The following PARD3B variants were observed in gnomAD, a reference collection of about 807,000 sequenced individuals.
PARD3B encodes par-3 family cell polarity regulator beta, also known as partitioning defective 3 homolog B.
Under a neutral mutation model 130.2 loss-of-function variants are expected in PARD3B, and 103 were observed. The observed-to-expected ratio is 0.79, with a 90% CI of 0.67 to 0.93. PARD3B has a LOEUF of 0.93. Among genes scored for constraint, PARD3B ranks in the 40% least tolerant of loss-of-function variants. The pLI is 0.00. For missense variants in PARD3B, 1,609 were observed against 1,499.2 expected (o/e 1.07, Z -1.21); for synonymous variants, 583 against 553.2 (o/e 1.05, Z -0.76).
intron 2 of PARD3B, among the ~76,000 whole-genome samples, chr2:204,686,640 A>T (rs2037101166): frequency 6.6e-6 from 1 of 152,176 alleles, no homozygotes; most frequent in Non-Finnish European, 1.5e-5. Flanking sequence ...CTGAGGCGTG[A>T]ATGTGTTTCA....
intron 2 of PARD3B, among the ~76,000 whole-genome samples, chr2:204,734,843 A>G (rs1490333343): frequency 6.6e-6 from 1 of 152,052 alleles, no homozygotes; most frequent in Non-Finnish European, 1.5e-5. Context: ...CTATGCATCT[A>G]TCAAAACTCA....
At chr2:205,214,501 A>G (rs1242048694) in intron 15 of PARD3B, among the ~76,000 whole-genome samples, 2 of 152,114 alleles carry the variant, frequency 1.3e-5, no homozygotes, top group African/African-American at 4.8e-5. Context: ...AAAAAAAAAA[A>G]AAATCCTGAC....
chr2:204,791,298 T>C (rs2042196167), intron 2 of PARD3B, among the ~76,000 whole-genome samples: 1 of 152,210 alleles, frequency 6.6e-6, no homozygotes, highest in African/African-American at 2.4e-5. Context: ...TTAGGTCTCA[T>C]TCTCCATAGA....
rs1271480598 is a variant in PARD3B at position 205,083,452 on chromosome 2, A to G, written c.505-20974A>G. 3.3e-5 allele frequency among the ~76,000 whole-genome samples: 5 copies of G among 152,100 alleles called. No homozygotes were observed. In the South Asian group the frequency reaches 8.3e-4, roughly 25 times the overall value. On this transcript the variant is annotated intron_variant, in intron 4 of 22. Coordinates refer to ENST00000406610, the MANE Select transcript of PARD3B (RefSeq NM_001302769.2). ...GCTGATTTCACTTATAAAAATCAAC[A>G]TCATGGTAGAAAAAGGGCCAATTAT...
intron 1 of PARD3B, among the ~76,000 whole-genome samples, chr2:204,584,751 G>T (rs949090239): frequency 6.6e-6 from 1 of 152,176 alleles, no homozygotes; most frequent in Non-Finnish European, 1.5e-5. Context: ...TTTTTCCAAG[G>T]CCACGTGGTT....
intron 2 of PARD3B, among the ~76,000 whole-genome samples, chr2:204,718,808 C>G (rs1172533176): frequency 6.6e-6 from 1 of 152,168 alleles, no homozygotes; most frequent in Non-Finnish European, 1.5e-5. Flanking sequence ...TATGTGTATC[C>G]CTGAGCAATC....
At position 204,677,193 on chromosome 2, in the gene PARD3B, T is replaced by C. The variant is rs1362547832; in HGVS notation, c.121-8988T>C. Among the ~76,000 whole-genome samples, 1 of 152,168 alleles carries C rather than the reference T, an allele frequency of 6.6e-6. No individual in the cohort carries two copies. Among genetic ancestry groups the C allele is most frequent in the Non-Finnish European group, 1.5e-5 (1 of 68,032 alleles). On this transcript the variant is annotated intron_variant, in intron 1 of 22. Transcript: ENST00000406610. The surrounding 1 kb of genome is among the most constrained non-coding windows in gnomAD (Gnocchi z 4.1). ...GGTCTAAGTGTTTAAGGTAAAACTT[T>C]TACATAAAATATAGTCTCCAGTGTA...
At chr2:204,852,082 G>A (rs1453079269) in intron 2 of PARD3B, among the ~76,000 whole-genome samples, 1 of 152,112 alleles carries the variant, frequency 6.6e-6, no homozygotes, top group Admixed American at 6.6e-5. Flanking sequence ...TAAGGAAGGT[G>A]TTAGAAAGTA....
chr2:205,150,249 GTGTGCA>G (rs1342178258), intron 10 of PARD3B, among the ~76,000 whole-genome samples: 56 of 133,164 alleles, frequency 4.2e-4, no homozygotes, highest in East Asian at 6.5e-4. Context: ...GTGTGTGTGT[GTGTGCA>G]CACACGCTTG....
chr2:205,481,375 G>T (rs1337516724), intron 20 of PARD3B, among the ~76,000 whole-genome samples: 1 of 152,080 alleles, frequency 6.6e-6, no homozygotes, highest in African/African-American at 2.4e-5. Context: ...GAGCAAAGAG[G>T]TTATTGTCAC....
Position 205,619,344 on chromosome 2 carries a change from G to T in PARD3B, c.*3531G>T, listed in dbSNP as rs904011135. 6.6e-6 allele frequency: 1 copy of T among 152,212 alleles called. No individual in the cohort carries two copies. Among genetic ancestry groups the T allele is most frequent in the Non-Finnish European group, 1.5e-5 (1 of 68,052 alleles). The allele number at this position is 152,212 out of a possible 1,614,324, so 9.4% of individuals were successfully genotyped here. On this transcript the variant is annotated 3_prime_UTR_variant, in exon 23 of 23. Coordinates refer to ENST00000406610, the MANE Select transcript of PARD3B (RefSeq NM_001302769.2). ...CATTGTAGCATTTCAGGAGGGTCGA[G>T]AGATCTAAAGAGTTTGGTCTGAATG...
At chr2:204,690,161 T>C (rs1006253666) in intron 2 of PARD3B, among the ~76,000 whole-genome samples, 7 of 152,208 alleles carry the variant, frequency 4.6e-5, no homozygotes, top group Non-Finnish European at 8.8e-5. Flanking sequence ...TTATTTGATT[T>C]AGATACAGTT....
intron 18 of PARD3B, among the ~76,000 whole-genome samples, chr2:205,305,734 G>A (rs992879729): frequency 6.6e-6 from 1 of 152,226 alleles, no homozygotes; most frequent in African/African-American, 2.4e-5. Context: ...TGTTGTCTCA[G>A]TGTCTTCATC....
At chr2:204,903,514 T>C (rs2046941025) in intron 2 of PARD3B, among the ~76,000 whole-genome samples, 1 of 152,192 alleles carries the variant, frequency 6.6e-6, no homozygotes, top group South Asian at 2.1e-4. Flanking sequence ...ACCATGTTGT[T>C]TATATTGATA....
chr2:205,138,143 G>A (rs550533325), intron 10 of PARD3B, among the ~76,000 whole-genome samples: 18 of 152,230 alleles, frequency 1.2e-4, no homozygotes, highest in South Asian at 6.2e-4. Flanking sequence ...TTGAATGGTC[G>A]TTTAATTTCT....
At chr2:205,013,485 A>G (rs563957594) in intron 3 of PARD3B, among the ~76,000 whole-genome samples, 2 of 152,062 alleles carry the variant, frequency 1.3e-5, no homozygotes, top group African/African-American at 2.4e-5. Flanking sequence ...GGGGTTCCCA[A>G]CCTCTACACT....
At chr2:204,955,753 A>G (rs560687537) in intron 2 of PARD3B, among the ~76,000 whole-genome samples, 3 of 152,322 alleles carry the variant, frequency 2.0e-5, no homozygotes, top group African/African-American at 7.2e-5. Context: ...AGTAAGGGCT[A>G]TATAAGTATT....
Position 204,689,339 on chromosome 2 carries a change from T to G in PARD3B, c.222+3057T>G, listed in dbSNP as rs937763407. Among the ~76,000 whole-genome samples, 2 of 152,178 alleles carry G rather than the reference T, an allele frequency of 1.3e-5. No homozygotes were observed. Among genetic ancestry groups the G allele is most frequent in the Non-Finnish European group, 2.9e-5 (2 of 68,032 alleles). Reference sequence around the variant, plus strand: ...GCTTCCACGGGGACCAAGTCTCCACTGTGTTACACTACTTCTAGCCTATAT... The same window carrying G: ...GCTTCCACGGGGACCAAGTCTCCACGGTGTTACACTACTTCTAGCCTATAT... On this transcript the variant is annotated intron_variant, in intron 2 of 22. Transcript: ENST00000406610. This position sits in a 1 kb window ranked among gnomAD's most constrained non-coding sequence, Gnocchi z 5.2.
chr2:204,587,822 G>A (rs1210013592), intron 1 of PARD3B, among the ~76,000 whole-genome samples: 1 of 152,138 alleles, frequency 6.6e-6, no homozygotes, highest in Non-Finnish European at 1.5e-5. Flanking sequence ...AATCATGGCG[G>A]TAGTTACCTC....
Sources: allele counts gnomAD v4.1 joint callset (sites outside exome capture counted in the v4.1 genomes callset), GRCh38; gene constraint gnomAD v4.1.1; non-coding constraint Gnocchi (gnomAD v3.1); transcripts MANE v1.5; gene names NCBI Gene and HGNC (gene_info 2026-07-23, HGNC 2026-07-21).